The following ECT2 variants were observed in gnomAD, a reference collection of about 807,000 sequenced individuals.
ECT2 encodes the protein protein ECT2.
A neutral mutation model predicts 116.9 loss-of-function variants in ECT2; 61 were observed. That is an observed-to-expected ratio of 0.52 (90% CI 0.42 to 0.65). The LOEUF (loss-of-function observed/expected upper bound fraction) is 0.65. Ranked by LOEUF, ECT2 falls within the 30% of genes least tolerant of loss-of-function variation. The pLI, the probability that ECT2 is intolerant of heterozygous loss-of-function variation, is 0.00. For synonymous variants in ECT2, 358 were observed against 346.4 expected (o/e 1.03, Z -0.37); for missense variants, 937 against 1,078.7 (o/e 0.87, Z 1.84).
Position 172,816,715 on chromosome 3 carries a change from A to G in ECT2, c.2533A>G (p.Lys845Glu). 1 of 1,604,904 alleles carries G rather than the reference A, an allele frequency of 6.2e-7. No individual in the cohort carries two copies. Among genetic ancestry groups the G allele is most frequent in the Non-Finnish European group, 8.5e-7 (1 of 1,173,774 alleles). Residue 845 changes from lysine (K) to glutamate (E), a missense_variant, in exon 24 of 25, where the codon AAA becomes GAA. Transcript: ENST00000392692. ...KKVTRAFSFS[K>E]TPKRALRRAL... ...GGTTACAAGAGCATTCTCTTTCTCC[A>G]AAACTCCAAAAAGAGCTCTTCGAAG...
chr3:172,813,743 C>T (rs555829708), intron 22 of ECT2, among the ~76,000 whole-genome samples: 1 of 151,980 alleles, frequency 6.6e-6, no homozygotes, highest in African/African-American at 2.4e-5. Flanking sequence ...TTCCCCATTA[C>T]TGCACTCTAA....
At position 172,784,690 on chromosome 3, in the gene ECT2, G is replaced by A; in HGVS notation, c.1729-17G>A. 1 of 1,600,430 alleles carries A rather than the reference G, an allele frequency of 6.2e-7. No individual in the cohort carries two copies. The highest frequency in any genetic ancestry group is 8.6e-7 in the Non-Finnish European group (1 of 1,168,088). On this transcript the variant is annotated splice_polypyrimidine_tract_variant and intron_variant, in intron 16 of 24. Coordinates refer to ENST00000392692, the MANE Select transcript of ECT2 (RefSeq NM_001258315.2). ...TCAGAAAACCTTTTTTGAAATTGTT[G>A]AATAAATTGTTTTCAGATAAACCAA...
chr3:172,779,619 A>G (rs1722333998), intron 14 of ECT2, among the ~76,000 whole-genome samples: 1 of 152,228 alleles, frequency 6.6e-6, no homozygotes, highest in Non-Finnish European at 1.5e-5. Context: ...AAATAACACA[A>G]TTCAGGCCAG....
At chr3:172,774,509 G>T (rs753313156) in intron 14 of ECT2, among the ~76,000 whole-genome samples, 1 of 150,020 alleles carries the variant, frequency 6.7e-6, no homozygotes, top group Non-Finnish European at 1.5e-5. Context: ...TTTTTTTTTC[G>T]AGATGGAGAA....
At chr3:172,784,386 C>T (rs930101469) in intron 16 of ECT2, among the ~76,000 whole-genome samples, 7 of 151,860 alleles carry the variant, frequency 4.6e-5, no homozygotes, top group African/African-American at 1.7e-4. Flanking sequence ...CTTACCAGTT[C>T]CTTATTATGG....
At chr3:172,781,473 G>A (rs1404202657) in intron 14 of ECT2, among the ~76,000 whole-genome samples, 1 of 152,210 alleles carries the variant, frequency 6.6e-6, no homozygotes, top group Non-Finnish European at 1.5e-5. Context: ...AGAGTCTTTA[G>A]TATAAGAGCT....
chr3:172,796,299 G>GT (rs1725622151), intron 18 of ECT2: 1 of 152,150 alleles, frequency 6.6e-6, no homozygotes, highest in Admixed American at 6.5e-5. Flanking sequence ...TTCTTTGTAA[G>GT]TTTTTTCTAA....
chr3:172,818,519 T>TTC (rs1730156425), intron 24 of ECT2: 1 of 1,212,302 alleles, frequency 8.2e-7, no homozygotes, highest in Admixed American at 3.2e-5. Context: ...TAATGTCATC[T>TTC]TCTCAATTGC....
At chr3:172,775,682 G>C (rs1240079858) in intron 14 of ECT2, among the ~76,000 whole-genome samples, 1 of 149,922 alleles carries the variant, frequency 6.7e-6, no homozygotes, top group African/African-American at 2.5e-5. Context: ...CACCCAGGCT[G>C]GAGTGCAGTG....
chr3:172,768,540 A>G (rs535372948), intron 12 of ECT2, among the ~76,000 whole-genome samples: 1 of 152,354 alleles, frequency 6.6e-6, no homozygotes, highest in East Asian at 1.9e-4. Context: ...TACATTACTT[A>G]CTACATTATT....
chr3:172,762,117 T>C (rs955289119), intron 8 of ECT2, among the ~76,000 whole-genome samples: 1 of 152,158 alleles, frequency 6.6e-6, no homozygotes, highest in Non-Finnish European at 1.5e-5. Context: ...ATCATTATTT[T>C]AGATTTCATG....
intron 18 of ECT2, among the ~76,000 whole-genome samples, chr3:172,797,329 C>T (rs943494232): frequency 6.6e-6 from 1 of 152,076 alleles, no homozygotes. Context: ...GCCACCATGC[C>T]CTGCGGGAGG....
intron 22 of ECT2, among the ~76,000 whole-genome samples, chr3:172,810,550 G>A (rs1728588909): frequency 2.0e-5 from 3 of 152,112 alleles, no homozygotes; most frequent in African/African-American, 4.8e-5. Context: ...TAGTATAAAT[G>A]TCTGTTATTG....
intron 18 of ECT2, among the ~76,000 whole-genome samples, chr3:172,798,769 AAT>A (rs1726199335): frequency 6.6e-6 from 1 of 152,198 alleles, no homozygotes; most frequent in Non-Finnish European, 1.5e-5. Flanking sequence ...TTCTTTTAGC[AAT>A]ATAGTTATTT....
downstream of ECT2, among the ~76,000 whole-genome samples, chr3:172,826,260 C>T (rs1023731125): frequency 8.5e-5 from 13 of 152,176 alleles, no homozygotes; most frequent in African/African-American, 2.9e-4. Context: ...GACAGGCTGA[C>T]TCTTTTGTTA....
At chr3:172,782,957 A>AAGG (rs1472413073) in intron 15 of ECT2, among the ~76,000 whole-genome samples, 1 of 151,910 alleles carries the variant, frequency 6.6e-6, no homozygotes, top group Non-Finnish European at 1.5e-5. Flanking sequence ...ATGGGCGCTT[A>AAGG]GGTTGACTCC....
At chr3:172,814,999 A>T (rs888733480) in intron 22 of ECT2, among the ~76,000 whole-genome samples, 1 of 152,156 alleles carries the variant, frequency 6.6e-6, no homozygotes, top group Non-Finnish European at 1.5e-5. Flanking sequence ...GGCTGACCTC[A>T]CAGAAGTACA....
chr3:172,826,869 T>A, the ECT2 span, among the ~76,000 whole-genome samples: 1 of 152,118 alleles, frequency 6.6e-6, no homozygotes, highest in Non-Finnish European at 1.5e-5. Flanking sequence ...AGTCACAGAA[T>A]GGAAAAATAT....
intron 4 of ECT2, among the ~76,000 whole-genome samples, chr3:172,756,058 C>T (rs529631909): frequency 6.6e-6 from 1 of 152,314 alleles, no homozygotes; most frequent in East Asian, 1.9e-4. Context: ...GTCCTTGCAT[C>T]CCTGGTGTTT....
Sources: gnomAD v4.1 joint callset for allele counts (sites outside exome capture counted in the v4.1 genomes callset) on GRCh38, gnomAD v4.1.1 for gene constraint, MANE v1.5 for transcripts, NCBI Gene and HGNC (gene_info 2026-07-23, HGNC 2026-07-21) for gene names.